WWOX: variants seen among roughly 807,000 people sequenced by gnomAD.
WWOX encodes WW domain-containing oxidoreductase.
Under a neutral mutation model 46.2 loss-of-function variants are expected in WWOX, and 69 were observed. The observed-to-expected ratio is 1.49, with a 90% confidence interval of 1.23 to 1.82. The LOEUF is 1.82. WWOX is among the 40% of genes most tolerant of loss of function. The pLI, the probability that WWOX is intolerant of heterozygous loss-of-function variation, is 0.00. For missense variants in WWOX, 919 were observed against 542.6 expected, an observed-to-expected ratio of 1.69 and a Z score of -6.89; for synonymous variants, 359 against 202.6, an observed-to-expected ratio of 1.77 and a Z score of -6.56.
chr16:79,085,311 G>A (rs1024527653), intron 8 of WWOX, among the ~76,000 whole-genome samples: 1 of 152,066 alleles, frequency 6.6e-6, no homozygotes, highest in African/African-American at 2.4e-5. Context: ...TACTGTCTAG[G>A]TTATTACAGT....
intron 5 of WWOX, among the ~76,000 whole-genome samples, chr16:78,326,236 A>G (rs2080611113): frequency 6.6e-6 from 1 of 152,218 alleles, no homozygotes; most frequent in Non-Finnish European, 1.5e-5. Flanking sequence ...ATGCTCACAA[A>G]AGGGCAAAAC....
In WWOX at chr16:78,579,403, C is replaced by T. The variant is rs76851580; in HGVS notation, c.1056+146651C>T. On this transcript the variant is annotated intron_variant, in intron 8 of 8. Coordinates refer to ENST00000566780, the MANE Select transcript of WWOX (RefSeq NM_016373.4). ...GCCAAATTGAAGGGTAAACTGAGTT[C>T]ACCAGGCAAACTGAGGAAGGGTACT... Among the ~76,000 whole-genome samples the T allele has an allele frequency of 4.1e-3, 621 of 152,162 alleles. 4 individuals carry two copies. Among genetic ancestry groups the T allele is most frequent in the African/African-American group, 0.014 (587 of 41,514 alleles).
chr16:78,103,936 A>T (rs994125069), intron 1 of WWOX, among the ~76,000 whole-genome samples: 4 of 151,864 alleles, frequency 2.6e-5, no homozygotes, highest in Non-Finnish European at 5.9e-5. Context: ...AGCACTCCAA[A>T]GCCCACCAGG....
intron 8 of WWOX, among the ~76,000 whole-genome samples, chr16:78,981,181 G>A (rs2046674177): frequency 6.6e-6 from 1 of 152,154 alleles, no homozygotes; most frequent in Non-Finnish European, 1.5e-5. Flanking sequence ...TCTGCATGTG[G>A]TCTCCATGAT....
At chr16:78,814,470 GA>G (rs201581368) in intron 8 of WWOX, among the ~76,000 whole-genome samples, 3,808 of 144,846 alleles carry the variant, frequency 0.026, 140 homozygotes, top group African/African-American at 0.084. Flanking sequence ...AGCCTCTCTT[GA>G]AAAAAAAAAA....
At chr16:78,939,460 A>G (rs2045808676) in intron 8 of WWOX, among the ~76,000 whole-genome samples, 1 of 152,186 alleles carries the variant, frequency 6.6e-6, no homozygotes, top group African/African-American at 2.4e-5. Flanking sequence ...TGTATCCTTT[A>G]AGGGTGGACT....
intron 5 of WWOX, among the ~76,000 whole-genome samples, chr16:78,385,215 T>G (rs749498633): frequency 1.1e-4 from 17 of 151,304 alleles, no homozygotes; most frequent in Non-Finnish European, 2.1e-4. Context: ...GATCCTTCCC[T>G]CAGTAATCTG....
chr16:79,002,079 G>C (rs1319382156), intron 8 of WWOX, among the ~76,000 whole-genome samples: 1 of 152,090 alleles, frequency 6.6e-6, no homozygotes. Context: ...ATAATCTGGG[G>C]ATGAAAACAG....
intron 5 of WWOX, among the ~76,000 whole-genome samples, chr16:78,266,828 C>T (rs989897747): frequency 8.0e-5 from 12 of 150,858 alleles, no homozygotes; most frequent in African/African-American, 2.7e-4. Flanking sequence ...CTCTCTCTGT[C>T]TCCCTCTCTC....
intron 8 of WWOX, among the ~76,000 whole-genome samples, chr16:79,145,445 T>C (rs560729999): frequency 6.6e-6 from 1 of 152,258 alleles, no homozygotes; most frequent in African/African-American, 2.4e-5. Flanking sequence ...CAAGCAGTCC[T>C]CCCATCTCAA....
intron 8 of WWOX, chr16:79,205,409 A>G (rs902240235): frequency 3.9e-5 from 6 of 152,028 alleles, no homozygotes; most frequent in African/African-American, 1.4e-4. Flanking sequence ...GCAAAGAAAT[A>G]TTTTTCCTTG....
At chr16:78,345,316 C>T (rs1253838423) in intron 5 of WWOX, among the ~76,000 whole-genome samples, 1 of 113,240 alleles carries the variant, frequency 8.8e-6, no homozygotes, top group Admixed American at 8.9e-5. Context: ...TTTGTACCAA[C>T]GTAATAGAAT....
chr16:79,017,922 A>C (rs1333343257), intron 8 of WWOX, among the ~76,000 whole-genome samples: 1 of 152,242 alleles, frequency 6.6e-6, no homozygotes, highest in Non-Finnish European at 1.5e-5. Context: ...TGAAGTAGTA[A>C]AACACATGTA....
chr16:78,511,562 C>A, intron 8 of WWOX, among the ~76,000 whole-genome samples: 1 of 152,306 alleles, frequency 6.6e-6, no homozygotes, highest in East Asian at 1.9e-4. Context: ...GTGATTACAG[C>A]ACGTCCTCAC....
intron 8 of WWOX, among the ~76,000 whole-genome samples, chr16:78,640,523 C>T (rs186413399): frequency 2.6e-4 from 39 of 152,190 alleles, no homozygotes; most frequent in Admixed American, 1.9e-3. Flanking sequence ...TCCGAAACAA[C>T]CACCCGTGCT....
At chr16:79,011,375 C>G (rs1175857278) in intron 8 of WWOX, among the ~76,000 whole-genome samples, 1 of 151,862 alleles carries the variant, frequency 6.6e-6, no homozygotes, top group Admixed American at 6.6e-5. Context: ...CCCTTTGGAA[C>G]TTCTGTTGGT....
chr16:78,129,642 C>T (rs573247457), intron 4 of WWOX, among the ~76,000 whole-genome samples: 1 of 151,816 alleles, frequency 6.6e-6, no homozygotes, highest in South Asian at 2.1e-4. Flanking sequence ...GGCCTGGAGC[C>T]TGGATCTGGC....
intron 8 of WWOX, among the ~76,000 whole-genome samples, chr16:79,029,962 T>G (rs1408940116): frequency 6.6e-6 from 1 of 152,194 alleles, no homozygotes; most frequent in Non-Finnish European, 1.5e-5. Flanking sequence ...TATAATTTCT[T>G]GATGATCCTG....
intron 8 of WWOX, among the ~76,000 whole-genome samples, chr16:79,170,763 A>G (rs1567596028): frequency 6.6e-6 from 1 of 152,088 alleles, no homozygotes; most frequent in South Asian, 2.1e-4. Context: ...TTTAGAAGTT[A>G]CATTTACAAG....
Sources: gnomAD v4.1 joint callset for allele counts (sites outside exome capture counted in the v4.1 genomes callset) on GRCh38, gnomAD v4.1.1 for gene constraint, MANE v1.5 for transcripts, NCBI Gene and HGNC (gene_info 2026-07-23, HGNC 2026-07-21) for gene names.